ANK3: variants seen among roughly 807,000 people sequenced by gnomAD.
The protein encoded by ANK3 is ankyrin 3, also known as ankyrin-3.
In ANK3, 57 loss-of-function variants were observed where a neutral mutation model predicts 370.9. The observed-to-expected ratio is 0.15, with a 90% CI of 0.12 to 0.19. The LOEUF (loss-of-function observed/expected upper bound fraction) is 0.19, where lower values mean the gene tolerates loss of function less well. ANK3 is among the 10% of genes least tolerant of loss of function. The probability of loss-of-function intolerance (pLI) is 1.00; values close to 1 mark genes in which losing one functional copy is unlikely to be tolerated. For synonymous variants in ANK3, 1,929 were observed against 1,946.3 expected, an observed-to-expected ratio of 0.99 and a Z score of 0.23; for missense variants, 4,439 against 5,302.1, an observed-to-expected ratio of 0.84 and a Z score of 5.06.
At chr10:60,517,153 C>T (rs1049183928) in intron 2 of ANK3, among the ~76,000 whole-genome samples, 4 of 152,080 alleles carry the variant, frequency 2.6e-5, no homozygotes, top group Non-Finnish European at 5.9e-5. Flanking sequence ...TAAACTCCAC[C>T]TCCCAGGTTC....
chr10:60,046,209 T>C (rs2131878850), intron 42 of ANK3, among the ~76,000 whole-genome samples: 1 of 152,346 alleles, frequency 6.6e-6, no homozygotes, highest in African/African-American at 2.4e-5. Flanking sequence ...GTATTTTCTA[T>C]GGTTGGTGGT....
intron 1 of ANK3, among the ~76,000 whole-genome samples, chr10:60,732,910 C>A (rs958520682): frequency 1.3e-5 from 2 of 151,870 alleles, no homozygotes; most frequent in African/African-American, 4.8e-5. Flanking sequence ...GACGAGAGAC[C>A]GAGGTGAGGG....
At chr10:60,289,604 G>T (rs2132746530) in intron 1 of ANK3, among the ~76,000 whole-genome samples, 1 of 152,060 alleles carries the variant, frequency 6.6e-6, no homozygotes, top group African/African-American at 2.4e-5. Context: ...TCAGCATGTT[G>T]CCCAGGCTGG....
chr10:60,497,670 T>C (rs895682509), intron 2 of ANK3, among the ~76,000 whole-genome samples: 8 of 152,188 alleles, frequency 5.3e-5, no homozygotes, highest in African/African-American at 1.9e-4. Context: ...TTTATAATAG[T>C]ATTTACAGAC....
chr10:60,362,301 C>G (rs1594511427), intron 1 of ANK3, among the ~76,000 whole-genome samples: 1 of 152,028 alleles, frequency 6.6e-6, no homozygotes, highest in Non-Finnish European at 1.5e-5. Flanking sequence ...TGGGTAAATT[C>G]CAGGAAGTAT....
intron 1 of ANK3, among the ~76,000 whole-genome samples, chr10:60,313,165 C>A (rs773036167): frequency 6.6e-6 from 1 of 152,144 alleles, no homozygotes; most frequent in Non-Finnish European, 1.5e-5. Context: ...CTGGAAATGG[C>A]GCTTACTCCC....
At chr10:60,269,487 C>T (rs1470510862) in intron 5 of ANK3, among the ~76,000 whole-genome samples, 2 of 151,766 alleles carry the variant, frequency 1.3e-5, no homozygotes, top group African/African-American at 2.4e-5. Flanking sequence ...CTACTAAAAG[C>T]ACAAAATTTA....
intron 1 of ANK3, among the ~76,000 whole-genome samples, chr10:60,355,621 C>T (rs141359117): frequency 1.3e-5 from 2 of 152,288 alleles, no homozygotes; most frequent in Non-Finnish European, 2.9e-5. Flanking sequence ...CCAAAGGCTC[C>T]CCCTTCTAAC....
intron 1 of ANK3, among the ~76,000 whole-genome samples, chr10:60,665,738 T>C (rs900342354): frequency 1.3e-5 from 2 of 152,194 alleles, no homozygotes; most frequent in Non-Finnish European, 2.9e-5. Context: ...CAACCTAGTA[T>C]CACAGAATAA....
chr10:60,473,172 A>G (rs1595102096), intron 2 of ANK3, among the ~76,000 whole-genome samples: 1 of 152,240 alleles, frequency 6.6e-6, no homozygotes, highest in African/African-American at 2.4e-5. Flanking sequence ...AGACATGTCT[A>G]TAGACACCCA....
intron 5 of ANK3, among the ~76,000 whole-genome samples, chr10:60,264,289 T>C (rs1382526561): frequency 6.6e-6 from 1 of 152,032 alleles, no homozygotes; most frequent in African/African-American, 2.4e-5. Context: ...ATTGGGAAAA[T>C]TTTGAAAGTG....
At chr10:60,725,838 A>G (rs2079933648) in intron 1 of ANK3, among the ~76,000 whole-genome samples, 2 of 152,216 alleles carry the variant, frequency 1.3e-5, no homozygotes, top group African/African-American at 2.4e-5. Context: ...ATGAGCCTAA[A>G]GCTTGGAAAA....
At chr10:60,732,582 CT>C (rs918498313) in intron 1 of ANK3, among the ~76,000 whole-genome samples, 2 of 152,178 alleles carry the variant, frequency 1.3e-5, no homozygotes, top group African/African-American at 2.4e-5. Flanking sequence ...AAGCCACCCC[CT>C]GGCACTGCCA....
rs187522271 is a variant in ANK3, at chr10:60,362,759, T to C, written c.114+26666A>G. Among the ~76,000 whole-genome samples the C allele has an allele frequency of 7.4e-4, 112 of 152,232 alleles. 1 individual carries two copies. In the East Asian group the frequency reaches 0.019, roughly 25 times the overall value. On this transcript the variant is annotated intron_variant, in intron 1 of 43. Coordinates refer to ENST00000280772, the MANE Select transcript of ANK3 (RefSeq NM_020987.5). ...CATTGATTCATTTCTTAGCAAACCT[T>C]CACTGAGCACCATCTCTCAGGTACC...
At chr10:60,565,157 T>C (rs530097414) in intron 2 of ANK3, among the ~76,000 whole-genome samples, 2 of 151,962 alleles carry the variant, frequency 1.3e-5, no homozygotes, top group Non-Finnish European at 2.9e-5. Flanking sequence ...TCCTGTGAAG[T>C]AGTGGGCTCC....
At chr10:60,170,338 T>C (rs74156423) in intron 21 of ANK3, among the ~76,000 whole-genome samples, 1,539 of 152,330 alleles carry the variant, frequency 0.01, 27 homozygotes, top group African/African-American at 0.035. Context: ...AGTAACTAGC[T>C]ATACAAATAT....
At chr10:60,493,735 TG>T (rs1480541026) in intron 2 of ANK3, among the ~76,000 whole-genome samples, 1 of 151,730 alleles carries the variant, frequency 6.6e-6, no homozygotes, top group Non-Finnish European at 1.5e-5. Context: ...CCCCCCAAAA[TG>T]GGTTGGCTAT....
intron 2 of ANK3, among the ~76,000 whole-genome samples, chr10:60,485,341 GAA>G (rs1447835907): frequency 6.6e-6 from 1 of 152,142 alleles, no homozygotes; most frequent in East Asian, 1.9e-4. Context: ...CCTACTGATG[GAA>G]CAGCAAAAAG....
At chr10:60,579,195 C>T (rs570334849) in intron 2 of ANK3, among the ~76,000 whole-genome samples, 26 of 151,644 alleles carry the variant, frequency 1.7e-4, no homozygotes, top group African/African-American at 4.1e-4. Context: ...AGTGGTGGCA[C>T]GCACCTGTAG....
Sources: allele counts gnomAD v4.1 joint callset (sites outside exome capture counted in the v4.1 genomes callset), GRCh38; gene constraint gnomAD v4.1.1; transcripts MANE v1.5; gene names NCBI Gene and HGNC (gene_info 2026-07-23, HGNC 2026-07-21).